The following HCN1 variants were observed in gnomAD, a reference collection of about 807,000 sequenced individuals.
The protein encoded by HCN1 is hyperpolarization activated cyclic nucleotide gated potassium channel 1.
A neutral mutation model predicts 78.9 loss-of-function variants in HCN1; 13 were observed. The ratio of observed to expected loss-of-function variants is 0.16; its 90% CI spans 0.11 to 0.26. The LOEUF (loss-of-function observed/expected upper bound fraction) is 0.26, where lower values mean the gene tolerates loss of function less well. Among genes scored for constraint, HCN1 ranks in the 10% least tolerant of loss-of-function variants. The probability of loss-of-function intolerance (pLI) is 1.00; values close to 1 mark genes in which losing one functional copy is unlikely to be tolerated. For missense variants in HCN1, 810 were observed against 1,154.3 expected, an observed-to-expected ratio of 0.70 and a Z score of 4.32; for synonymous variants, 552 against 455.5, an observed-to-expected ratio of 1.21 and a Z score of -2.70.
At chr5:45,390,982 G>A (rs1739543130) in intron 4 of HCN1, among the ~76,000 whole-genome samples, 1 of 152,050 alleles carries the variant, frequency 6.6e-6, no homozygotes, top group Non-Finnish European at 1.5e-5. Flanking sequence ...CCAGCCCTAG[G>A]ATCTCCCTCG....
intron 5 of HCN1, among the ~76,000 whole-genome samples, chr5:45,318,222 A>G (rs1291204995): frequency 1.3e-5 from 2 of 152,208 alleles, no homozygotes; most frequent in East Asian, 3.9e-4. Context: ...ACACCATGGA[A>G]TACTATGCAG....
At chr5:45,467,435 T>C (rs927774965) in intron 2 of HCN1, among the ~76,000 whole-genome samples, 2 of 152,096 alleles carry the variant, frequency 1.3e-5, no homozygotes, top group Non-Finnish European at 2.9e-5. Context: ...CCTCCCAATG[T>C]CCACGTGCCA....
At position 45,262,334 on chromosome 5, in the gene HCN1, G is replaced by T; in HGVS notation, c.2260C>A (p.Gln754Lys). 1 of 1,613,552 alleles carries T rather than the reference G, an allele frequency of 6.2e-7. No homozygotes were observed. The highest frequency in any genetic ancestry group is 8.5e-7 in the Non-Finnish European group (1 of 1,179,932). ...GTGGAGCTGCCAGGTGTCTGTGGCT[G>T]CGGGGACGGCTGCTGTGGCTGAGTC... is the stretch of plus-strand genomic sequence containing the variant. ...PQTQPQQPSP[Q>K]PQTPGSSTPK... The change falls in exon 8 of 8, where the codon CAG becomes AAG. Residue 754 changes from glutamine (Q) to lysine (K), a missense_variant. Gln to Lys is a moderately conservative substitution (Grantham distance 53, BLOSUM62 1). Transcript: ENST00000303230.
At chr5:45,334,919 A>G (rs1746423436) in intron 5 of HCN1, among the ~76,000 whole-genome samples, 1 of 152,062 alleles carries the variant, frequency 6.6e-6, no homozygotes, top group African/African-American at 2.4e-5. Flanking sequence ...ACAAGTGTGT[A>G]GTTTAGAAAA....
At chr5:45,599,691 CTT>C (rs1350306990) in intron 2 of HCN1, among the ~76,000 whole-genome samples, 1 of 151,980 alleles carries the variant, frequency 6.6e-6, no homozygotes, top group Non-Finnish European at 1.5e-5. Flanking sequence ...AGTCGAGTTG[CTT>C]TTTACTATTG....
intron 1 of HCN1, among the ~76,000 whole-genome samples, chr5:45,679,555 G>T (rs1327443448): frequency 6.6e-6 from 1 of 152,024 alleles, no homozygotes; most frequent in Non-Finnish European, 1.5e-5. Context: ...CAATAAAAAT[G>T]ACAGTATTTC....
intron 1 of HCN1, among the ~76,000 whole-genome samples, chr5:45,674,016 A>G (rs1242110680): frequency 6.6e-6 from 1 of 151,582 alleles, no homozygotes; most frequent in Non-Finnish European, 1.5e-5. Flanking sequence ...CTCTTTGACA[A>G]AAGACCATAC....
chr5:45,336,287 C>T (rs1166850878), intron 5 of HCN1, among the ~76,000 whole-genome samples: 1 of 152,052 alleles, frequency 6.6e-6, no homozygotes, highest in African/African-American at 2.4e-5. Flanking sequence ...ATATACCACA[C>T]AGTAATAGTT....
chr5:45,321,893 AT>A (rs1746133806), intron 5 of HCN1, among the ~76,000 whole-genome samples: 1 of 151,880 alleles, frequency 6.6e-6, no homozygotes, highest in Non-Finnish European at 1.5e-5. Context: ...AGCAATGTTT[AT>A]TTTGCATACA....
chr5:45,665,982 C>T (rs905453117), intron 1 of HCN1, among the ~76,000 whole-genome samples: 1 of 152,032 alleles, frequency 6.6e-6, no homozygotes, highest in African/African-American at 2.4e-5. Context: ...TGCACAACCG[C>T]TCCCTGTAAG....
At chr5:45,490,901 T>C (rs1741868096) in intron 2 of HCN1, among the ~76,000 whole-genome samples, 2 of 152,128 alleles carry the variant, frequency 1.3e-5, no homozygotes, top group Admixed American at 1.3e-4. Flanking sequence ...GCTCATTTTA[T>C]CCACTTCTTC....
chr5:45,348,516 A>G lies in HCN1; in HGVS notation c.1377+4584T>C, dbSNP rs538432843. Among the ~76,000 whole-genome samples, 7 of 152,292 alleles carry G rather than the reference A, an allele frequency of 4.6e-5. No homozygotes were observed. In the South Asian group the frequency reaches 1.4e-3, roughly 32 times the overall value. On this transcript the variant is annotated intron_variant, in intron 5 of 7. Coordinates refer to ENST00000303230, the MANE Select transcript of HCN1 (RefSeq NM_021072.4). ...GACAGGATCAAATTCACACATAACG[A>G]TATTAACTTTAAATGTAAATGGACT...
At chr5:45,630,054 C>G (rs1243315892) in intron 2 of HCN1, among the ~76,000 whole-genome samples, 1 of 152,044 alleles carries the variant, frequency 6.6e-6, no homozygotes, top group African/African-American at 2.4e-5. Context: ...CCTGCTAATA[C>G]CTAAAAGAGT....
At chr5:45,562,161 T>G (rs996023461) in intron 2 of HCN1, among the ~76,000 whole-genome samples, 1 of 152,088 alleles carries the variant, frequency 6.6e-6, no homozygotes. Flanking sequence ...TTGGTGGCCC[T>G]GTCCTTAAAC....
chr5:45,514,295 G>T (rs1252533835), intron 2 of HCN1, among the ~76,000 whole-genome samples: 1 of 151,974 alleles, frequency 6.6e-6, no homozygotes, highest in Non-Finnish European at 1.5e-5. Flanking sequence ...ACATTGCGCT[G>T]TCTTTCCTAA....
At chr5:45,296,655 A>G (rs944284583) in intron 6 of HCN1, among the ~76,000 whole-genome samples, 1 of 152,038 alleles carries the variant, frequency 6.6e-6, no homozygotes, top group East Asian at 1.9e-4. Context: ...AACAGGAAAC[A>G]ATGAAATGCA....
At chr5:45,346,886 C>T (rs1427964501) in intron 5 of HCN1, among the ~76,000 whole-genome samples, 1 of 152,192 alleles carries the variant, frequency 6.6e-6, no homozygotes, top group African/African-American at 2.4e-5. Flanking sequence ...TGGAGCCCAC[C>T]ACAGCTCAAG....
intron 6 of HCN1, among the ~76,000 whole-genome samples, chr5:45,273,810 G>T (rs766636780): frequency 6.6e-6 from 1 of 151,592 alleles, no homozygotes; most frequent in Non-Finnish European, 1.5e-5. Context: ...CTTTCTTTTT[G>T]TCTTTGTAGA....
chr5:45,372,085 A>G (rs1271270526), intron 4 of HCN1, among the ~76,000 whole-genome samples: 1 of 58,118 alleles, frequency 1.7e-5, no homozygotes, highest in African/African-American at 9.1e-5. Flanking sequence ...TATATAATAT[A>G]ATTATATATA....
Sources: allele counts gnomAD v4.1 joint callset (sites outside exome capture counted in the v4.1 genomes callset), GRCh38; gene constraint gnomAD v4.1.1; transcripts MANE v1.5; gene names NCBI Gene and HGNC (gene_info 2026-07-23, HGNC 2026-07-21).